PCDHGB5: variants seen among roughly 807,000 people sequenced by gnomAD.
PCDHGB5 encodes protocadherin gamma-B5.
In PCDHGB5, 48 loss-of-function variants were observed where a neutral mutation model predicts 62.9. The observed-to-expected ratio is 0.76, with a 90% confidence interval of 0.61 to 0.97. The LOEUF (loss-of-function observed/expected upper bound fraction) is 0.97. Among genes scored for constraint, PCDHGB5 ranks in the 50% least tolerant of loss-of-function variants. PCDHGB5 has a pLI of 0.00. For missense variants in PCDHGB5, 1,118 were observed against 1,198.6 expected (o/e 0.93, Z 0.99); for synonymous variants, 474 against 511.2 (o/e 0.93, Z 0.98).
At chr5:141,480,195 G>A (rs1350891459) in intron 1 of PCDHGB5, among the ~76,000 whole-genome samples, 1 of 151,182 alleles carries the variant, frequency 6.6e-6, no homozygotes, top group Non-Finnish European at 1.5e-5. Context: ...CTTGAGGCCA[G>A]CAGTTCAAGA....
Position 141,491,754 on chromosome 5 carries a change from C to T in PCDHGB5, c.2398-3053C>T. ...CCCCTGGGGGCGGCACTGGAGAAGC[C>T]GCCCGTCCTCATAAGGGATTGAACT... On this transcript the variant is annotated intron_variant, in intron 1 of 3. Transcript: ENST00000617380. The surrounding 1 kb of genome is among the most constrained non-coding windows in gnomAD (Gnocchi z 6.9). 5.7e-6 allele frequency: 9 copies of T among 1,582,682 alleles called. No individual in the cohort carries two copies. The highest frequency in any genetic ancestry group is 7.7e-6 in the Non-Finnish European group (9 of 1,165,614).
At chr5:141,497,307 C>T (rs1295364802) in intron 2 of PCDHGB5, among the ~76,000 whole-genome samples, 1 of 152,096 alleles carries the variant, frequency 6.6e-6, no homozygotes, top group Non-Finnish European at 1.5e-5. Flanking sequence ...CCAGGCCATA[C>T]ACTGGCTTTG....
At chr5:141,451,673 G>A (rs912482749) in intron 1 of PCDHGB5, among the ~76,000 whole-genome samples, 4 of 152,164 alleles carry the variant, frequency 2.6e-5, no homozygotes, top group African/African-American at 7.2e-5. Context: ...CTTGAGCCCA[G>A]GAGTTCAAGA....
intron 1 of PCDHGB5, among the ~76,000 whole-genome samples, chr5:141,436,320 G>A (rs1158221950): frequency 6.6e-6 from 1 of 152,120 alleles, no homozygotes; most frequent in African/African-American, 2.4e-5. Flanking sequence ...AGTCAAGACT[G>A]TTAGACCATA....
At position 141,491,770 on chromosome 5, in the gene PCDHGB5, G is replaced by C. The variant is rs1230581925; in HGVS notation, c.2398-3037G>C. 1 of 1,560,888 alleles carries C rather than the reference G, an allele frequency of 6.4e-7. No individual in the cohort carries two copies. Among genetic ancestry groups the C allele is most frequent in the Non-Finnish European group, 8.7e-7 (1 of 1,154,942 alleles). On this transcript the variant is annotated intron_variant, in intron 1 of 3. Coordinates refer to ENST00000617380, the MANE Select transcript of PCDHGB5 (RefSeq NM_018925.3). This position sits in a 1 kb window ranked among gnomAD's most constrained non-coding sequence, Gnocchi z 6.9. ...TGGAGAAGCCGCCCGTCCTCATAAG[G>C]GATTGAACTTGCATCCACTCCTCTC...
chr5:141,409,735 C>G lies in PCDHGB5; in HGVS notation c.2397+9211C>G, dbSNP rs763035733. Reference sequence around the variant, plus strand: ...CATACGTGTCAGTGAGCGCGCAGAGCGGGGTGGTGTTCGCGCAGCGCGCCT... The same window carrying G: ...CATACGTGTCAGTGAGCGCGCAGAGGGGGGTGGTGTTCGCGCAGCGCGCCT... On this transcript the variant is annotated intron_variant, in intron 1 of 3. Transcript: ENST00000617380. The G allele has an allele frequency of 3.7e-6, 6 of 1,613,006 alleles. No homozygotes were observed. The African/African-American group carries it at 8.0e-5, about 22-fold the overall frequency.
chr5:141,407,959 G>T, intron 1 of PCDHGB5: 1 of 668,062 alleles, frequency 1.5e-6, no homozygotes, highest in South Asian at 2.3e-5. Flanking sequence ...CCAGTGCAGA[G>T]CAAGCGCTGA....
At chr5:141,409,522 G>C in intron 1 of PCDHGB5, 4 of 1,613,992 alleles carry the variant, frequency 2.5e-6, no homozygotes, top group Non-Finnish European at 3.4e-6. Context: ...GCATCACCTT[G>C]TATGTCGCTG....
At chr5:141,475,895 C>A (rs2099379056) in intron 1 of PCDHGB5, 1 of 568,558 alleles carries the variant, frequency 1.8e-6, no homozygotes, top group African/African-American at 1.9e-5. Context: ...ACTCTGTGTG[C>A]CGCTGTCGGC....
Position 141,485,281 on chromosome 5 carries a change from A to G in PCDHGB5, c.2398-9526A>G. 4 of 1,614,156 alleles carry G rather than the reference A, an allele frequency of 2.5e-6. No individual in the cohort carries two copies. In the South Asian group the frequency reaches 3.3e-5, roughly 13 times the overall value. Reference sequence around the variant, plus strand: ...GTGGGCAGATCCGCTACCCGGTCCCAGAGGAGTCACAGGAAGGGACTTTTG... The same window carrying G: ...GTGGGCAGATCCGCTACCCGGTCCCGGAGGAGTCACAGGAAGGGACTTTTG... On this transcript the variant is annotated intron_variant, in intron 1 of 3. Coordinates refer to ENST00000617380, the MANE Select transcript of PCDHGB5 (RefSeq NM_018925.3). The surrounding 1 kb of genome is among the most constrained non-coding windows in gnomAD (Gnocchi z 5.7).
Position 141,399,009 on chromosome 5 carries a change from C to T in PCDHGB5, c.882C>T (p.Ser294=), listed in dbSNP as rs759328384. 13 of 1,613,694 alleles carry T rather than the reference C, an allele frequency of 8.1e-6. No homozygotes were observed. Among genetic ancestry groups the T allele is most frequent in the African/African-American group, 1.3e-5 (1 of 74,900 alleles). The change falls in exon 1 of 4, where the codon AGC becomes AGT. Residue 294 remains serine, a synonymous_variant. Transcript: ENST00000617380. ...AAATCTTTAGTCTGAATTCAAAGAGCGGAGAAATTACCACTCAAAAGAAAC... is the reference window on the plus strand; with the variant it reads ...AAATCTTTAGTCTGAATTCAAAGAGTGGAGAAATTACCACTCAAAAGAAAC... ...TGQIFSLNSK[S]GEITTQKKLD...
At position 141,432,394 on chromosome 5, in the gene PCDHGB5, C is replaced by G; in HGVS notation, c.2397+31870C>G. 1 of 1,614,260 alleles carries G rather than the reference C, an allele frequency of 6.2e-7. No individual in the cohort carries two copies. The highest frequency in any genetic ancestry group is 8.5e-7 in the Non-Finnish European group (1 of 1,180,050). On this transcript the variant is annotated intron_variant, in intron 1 of 3. Transcript: ENST00000617380. This position sits in a 1 kb window ranked among gnomAD's most constrained non-coding sequence, Gnocchi z 6.0. The stretch of plus-strand genomic sequence containing the variant: ...ACGGGCACCCGCCCCTCAGCAGCAA[C>G]GTGTCGTTGAGCCTGTTCGTGCTGG...
At chr5:141,465,905 G>C (rs938438286) in intron 1 of PCDHGB5, among the ~76,000 whole-genome samples, 8 of 151,958 alleles carry the variant, frequency 5.3e-5, no homozygotes, top group Non-Finnish European at 8.8e-5. Context: ...GGCAAATCAC[G>C]AGGTCAGGAT....
At chr5:141,443,467 C>T (rs2098389901) in intron 1 of PCDHGB5, among the ~76,000 whole-genome samples, 2 of 152,156 alleles carry the variant, frequency 1.3e-5, no homozygotes, top group African/African-American at 4.8e-5. Context: ...GTCTGGGTGA[C>T]AGAATTAGAC....
intron 1 of PCDHGB5, chr5:141,419,468 C>T: frequency 6.2e-7 from 1 of 1,612,484 alleles, no homozygotes; most frequent in Non-Finnish European, 8.5e-7. Flanking sequence ...GGCCCGCGAC[C>T]AGGGCTCGCC....
At chr5:141,499,019 AGGAAGGAAGAAAAG>A (rs2099788655) in intron 2 of PCDHGB5, among the ~76,000 whole-genome samples, 1 of 150,840 alleles carries the variant, frequency 6.6e-6, no homozygotes, top group Non-Finnish European at 1.5e-5. Flanking sequence ...GAAGGAAGGA[AGGAAGGAAGAAAAG>A]AAAGAAAAAG....
chr5:141,428,310 G>A (rs2097132610), intron 1 of PCDHGB5: 1 of 671,630 alleles, frequency 1.5e-6, no homozygotes, highest in Admixed American at 2.2e-5. Context: ...ACCTGGTCGT[G>A]GCCTTGGCCT....
chr5:141,453,746 T>C (rs1345046460), intron 1 of PCDHGB5, among the ~76,000 whole-genome samples: 1 of 152,254 alleles, frequency 6.6e-6, no homozygotes, highest in Non-Finnish European at 1.5e-5. Flanking sequence ...TTAAATAACA[T>C]AAGTCTCCTA....
chr5:141,463,904 T>C (rs1289422146), intron 1 of PCDHGB5, among the ~76,000 whole-genome samples: 3 of 152,214 alleles, frequency 2.0e-5, no homozygotes, highest in African/African-American at 4.8e-5. Context: ...TTTGTACTAA[T>C]AATATATCCT....
Sources: gnomAD v4.1 joint callset for allele counts (sites outside exome capture counted in the v4.1 genomes callset) on GRCh38, gnomAD v4.1.1 for gene constraint, Gnocchi (gnomAD v3.1) non-coding constraint, MANE v1.5 for transcripts, NCBI Gene and HGNC (gene_info 2026-07-23, HGNC 2026-07-21) for gene names.